The following MED13L variants were observed in gnomAD, a reference collection of about 807,000 sequenced individuals.
MED13L encodes the protein mediator of RNA polymerase II transcription subunit 13-like.
A neutral mutation model predicts 220.9 loss-of-function variants in MED13L; 7 were observed. The ratio of observed to expected loss-of-function variants is 0.03; its 90% CI spans 0.02 to 0.06. MED13L has a LOEUF of 0.06. Ranked by LOEUF, MED13L falls within the 10% of genes least tolerant of loss-of-function variation. The pLI, the probability that MED13L is intolerant of heterozygous loss-of-function variation, is 1.00. For synonymous variants in MED13L, 1,011 were observed against 1,015.2 expected, an observed-to-expected ratio of 1.00 and a Z score of 0.08; for missense variants, 1,965 against 2,760.5, an observed-to-expected ratio of 0.71 and a Z score of 6.46.
chr12:116,031,716 A>G (rs1592966845), intron 4 of MED13L, among the ~76,000 whole-genome samples: 2 of 77,646 alleles, frequency 2.6e-5, no homozygotes, highest in Non-Finnish European at 4.7e-5. Flanking sequence ...AAAAGAAAAG[A>G]AAAGAAAAGA....
intron 2 of MED13L, among the ~76,000 whole-genome samples, chr12:116,113,194 CTACA>C (rs1271131483): frequency 6.6e-6 from 1 of 152,158 alleles, no homozygotes; most frequent in Admixed American, 6.5e-5. Flanking sequence ...CAGTATCTTC[CTACA>C]TAATCATCCT....
At position 116,031,675 on chromosome 12, in the gene MED13L, AAAAAGAAAAG is replaced by A. The variant is rs1173196797; in HGVS notation, c.480-9084_480-9075del. On this transcript the variant is annotated intron_variant, in intron 4 of 30. Transcript: ENST00000281928. Reference sequence around the variant, plus strand: ...GGACGGGACGGGACGGGAGAAAAGAAAAAAGAAAAGAAAAGAAAAGAAAAGAAAAGAAAAG... The same window carrying A: ...GGACGGGACGGGACGGGAGAAAAGAAAAAAGAAAAGAAAAGAAAAGAAAAG... Among the ~76,000 whole-genome samples the A allele has an allele frequency of 3.4e-3, 233 of 68,066 alleles. 6 individuals carry two copies. Among genetic ancestry groups the A allele is most frequent in the Non-Finnish European group, 4.5e-3 (145 of 32,126 alleles). The allele number at this position is 68,066 out of a possible 152,430, so 44.7% of individuals were successfully genotyped here.
chr12:116,079,650 T>C (rs987660368), intron 4 of MED13L, among the ~76,000 whole-genome samples: 1 of 151,872 alleles, frequency 6.6e-6, no homozygotes, highest in Non-Finnish European at 1.5e-5. Context: ...GCGATCCTCC[T>C]GCCTCAGCTC....
At chr12:116,069,668 C>T (rs1295836816) in intron 4 of MED13L, among the ~76,000 whole-genome samples, 3 of 152,178 alleles carry the variant, frequency 2.0e-5, no homozygotes, top group Non-Finnish European at 2.9e-5. Context: ...ACACGTAGTG[C>T]ACTCCAAATC....
intron 2 of MED13L, among the ~76,000 whole-genome samples, chr12:116,223,137 A>T (rs1868604380): frequency 6.6e-6 from 1 of 152,206 alleles, no homozygotes; most frequent in South Asian, 2.1e-4. Flanking sequence ...GAAATTTATA[A>T]CTTACATAAG....
rs1440362175 is a variant in MED13L at position 115,983,267 on chromosome 12, G to A, written c.4805C>T (p.Thr1602Ile). Residue 1602 changes from threonine to isoleucine, a missense_variant, in exon 21 of 31, where the codon ACC becomes ATC. Around this residue, in one of 10 missense-constraint regions of MED13L, gnomAD observed 510 missense variants for 620.4 expected, o/e 0.82. Transcript: ENST00000281928. ...SAPGISQIST[T>I]SSSGFSGSVG... Reference sequence around the variant, plus strand: ...ACTACCACTGAATCCTGAAGAAGAGGTAGTGCTTATCTGGCTAATACCAGG... The same window carrying A: ...ACTACCACTGAATCCTGAAGAAGAGATAGTGCTTATCTGGCTAATACCAGG... 6.2e-7 allele frequency: 1 copy of A among 1,614,212 alleles called. No individual in the cohort carries two copies. Among genetic ancestry groups the A allele is most frequent in the Non-Finnish European group, 8.5e-7 (1 of 1,180,030 alleles).
Position 115,960,442 on chromosome 12 carries a change from C to A in MED13L, c.*824G>T, listed in dbSNP as rs773689118. 3.3e-5 allele frequency: 5 copies of A among 152,572 alleles called. No homozygotes were observed. The highest frequency in any genetic ancestry group is 5.9e-5 in the Non-Finnish European group (4 of 68,030). The allele number at this position is 152,572 out of a possible 1,614,324, so 9.5% of individuals were successfully genotyped here. ...TTAACATGGCAGAACTTTTAAAATC[C>A]AGTTTGTTGTTAACAAAACCTACTG... is the stretch of plus-strand genomic sequence containing the variant. On this transcript the variant is annotated 3_prime_UTR_variant, in exon 31 of 31. Transcript: ENST00000281928.
At chr12:116,161,549 C>T (rs556982257) in intron 2 of MED13L, among the ~76,000 whole-genome samples, 2 of 151,950 alleles carry the variant, frequency 1.3e-5, no homozygotes, top group Non-Finnish European at 2.9e-5. Flanking sequence ...GGTGCTAGAC[C>T]CTGAGGATTA....
At chr12:115,962,399 G>A (rs1383541455) in intron 30 of MED13L, among the ~76,000 whole-genome samples, 1 of 152,204 alleles carries the variant, frequency 6.6e-6, no homozygotes. Context: ...CTGACAGGAG[G>A]CGGAGCACAG....
intron 25 of MED13L, among the ~76,000 whole-genome samples, chr12:115,974,205 C>T (rs1045003110): frequency 3.3e-5 from 5 of 152,292 alleles, no homozygotes; most frequent in Middle Eastern, 3.4e-3. Flanking sequence ...TGAATAGTCA[C>T]AACAGCAACC....
At chr12:115,986,999 A>C in intron 18 of MED13L, 110 bp downstream of exon 18, 1 of 1,138,410 alleles carries the variant, frequency 8.8e-7, no homozygotes, top group Non-Finnish European at 1.3e-6. Flanking sequence ...GGTCAAAGAA[A>C]AAGACTCCCC....
chr12:116,019,143 T>G (rs1437598211), intron 7 of MED13L, 81 bp downstream of exon 7: 7 of 1,406,012 alleles, frequency 5.0e-6, no homozygotes, highest in Non-Finnish European at 6.8e-6. Flanking sequence ...GAATTTCTGT[T>G]TTCTCACCTG....
chr12:116,139,330 G>A (rs1362691981), intron 2 of MED13L, among the ~76,000 whole-genome samples: 4 of 152,096 alleles, frequency 2.6e-5, no homozygotes, highest in East Asian at 3.9e-4. Context: ...TTATAGGTTC[G>A]CTAAATTACA....
At chr12:116,269,080 G>C (rs2138583122) in intron 1 of MED13L, among the ~76,000 whole-genome samples, 1 of 152,110 alleles carries the variant, frequency 6.6e-6, no homozygotes, top group South Asian at 2.1e-4. Context: ...TGTTTTGTTT[G>C]AGACAGTCTC....
chr12:116,057,474 C>G (rs1470555811), intron 4 of MED13L, among the ~76,000 whole-genome samples: 3 of 151,678 alleles, frequency 2.0e-5, no homozygotes, highest in Non-Finnish European at 2.9e-5. Flanking sequence ...GTTGGGTACC[C>G]TCTGACTGAC....
chr12:116,234,154 TA>T (rs557026356), intron 2 of MED13L, among the ~76,000 whole-genome samples: 10 of 151,878 alleles, frequency 6.6e-5, no homozygotes, highest in African/African-American at 1.9e-4. Flanking sequence ...ATGCCTCTAT[TA>T]AAAAAAATGT....
intron 4 of MED13L, among the ~76,000 whole-genome samples, chr12:116,026,069 T>C (rs1592960453): frequency 2.0e-5 from 3 of 151,658 alleles, no homozygotes; most frequent in East Asian, 3.9e-4. Flanking sequence ...AGAGAAAACA[T>C]GAGGCAAGGA....
intron 3 of MED13L, among the ~76,000 whole-genome samples, chr12:116,105,337 G>A (rs1442060954): frequency 3.3e-5 from 5 of 152,146 alleles, no homozygotes; most frequent in Non-Finnish European, 5.9e-5. Flanking sequence ...AAGAAGTAGA[G>A]GGGACTAGCA....
chr12:116,013,011 T>G, intron 8 of MED13L, 110 bp from the exon 9 acceptor site: 1 of 782,708 alleles, frequency 1.3e-6, no homozygotes. Context: ...GGTATCCTGC[T>G]GACATGTAGT....
Sources: allele counts gnomAD v4.1 joint callset (sites outside exome capture counted in the v4.1 genomes callset), GRCh38; gene constraint gnomAD v4.1.1; regional missense constraint gnomAD v4.1.1; transcripts MANE v1.5; gene names NCBI Gene and HGNC (gene_info 2026-07-23, HGNC 2026-07-21).